The following SIPA1L3 variants were observed in gnomAD, a reference collection of about 807,000 sequenced individuals.
The protein encoded by SIPA1L3 is signal induced proliferation associated 1 like 3.
A neutral mutation model predicts 150.1 loss-of-function variants in SIPA1L3; 59 were observed. The observed-to-expected ratio is 0.39, with a 90% CI of 0.32 to 0.49. SIPA1L3 has a LOEUF of 0.49. Among genes scored for constraint, SIPA1L3 ranks in the 20% least tolerant of loss-of-function variants. The pLI, the probability that SIPA1L3 is intolerant of heterozygous loss-of-function variation, is 0.86. For missense variants in SIPA1L3, 2,211 were observed against 2,489.5 expected, an observed-to-expected ratio of 0.89 and a Z score of 2.38; for synonymous variants, 1,070 against 1,077.6, an observed-to-expected ratio of 0.99 and a Z score of 0.14.
intron 1 of SIPA1L3, among the ~76,000 whole-genome samples, chr19:37,952,838 C>G (rs2046776748): frequency 6.6e-6 from 1 of 152,188 alleles, no homozygotes; most frequent in African/African-American, 2.4e-5. Flanking sequence ...CAGCTCTGTT[C>G]CACATTGCTG....
intron 13 of SIPA1L3, among the ~76,000 whole-genome samples, chr19:38,153,840 A>G (rs941554212): frequency 6.6e-6 from 1 of 152,040 alleles, no homozygotes; most frequent in Non-Finnish European, 1.5e-5. Context: ...AGGCTGAGGC[A>G]GGAGAATTGC....
At chr19:38,184,519 A>C (rs556991622) in intron 16 of SIPA1L3, 1 of 152,550 alleles carries the variant, frequency 6.6e-6, no homozygotes, top group South Asian at 2.1e-4. Context: ...TGAGGCCCAG[A>C]GTCACAGGGC....
At chr19:38,112,097 C>A (rs705506) in intron 8 of SIPA1L3, among the ~76,000 whole-genome samples, 95,624 of 147,826 alleles carry the variant, frequency 0.65, 31,993 homozygotes, top group African/African-American at 0.84. Flanking sequence ...ATGCACACAC[C>A]TACATGCACA....
At chr19:38,055,983 C>G (rs544537271) in intron 2 of SIPA1L3, among the ~76,000 whole-genome samples, 1 of 152,340 alleles carries the variant, frequency 6.6e-6, no homozygotes, top group Admixed American at 6.5e-5. Context: ...AAACATACTG[C>G]CCTGAGACGG....
Position 38,152,887 on chromosome 19 carries a change from G to C in SIPA1L3, c.3581G>C (p.Ser1194Thr). The C allele has an allele frequency of 1.2e-6, 2 of 1,613,790 alleles. No homozygotes were observed. Among genetic ancestry groups the C allele is most frequent in the Non-Finnish European group, 1.7e-6 (2 of 1,179,886 alleles). The change falls in exon 13 of 22, where the codon AGC (serine) becomes ACC (threonine). Residue 1194 changes from serine to threonine, a missense_variant. Physicochemically the swap from Ser to Thr is moderately conservative, Grantham distance 58. Around this residue, in one of 5 missense-constraint regions of SIPA1L3, gnomAD observed 806 missense variants for 870.1 expected, o/e 0.93. Coordinates refer to ENST00000222345, the MANE Select transcript of SIPA1L3 (RefSeq NM_015073.3). ...HPLLSLDPHF[S>T]HDGTSSGDSS... Reference sequence around the variant, plus strand: ...CTGCTATCTCTTGATCCCCACTTCAGCCACGATGGGACGTCCAGCGGCGAC... The same window carrying C: ...CTGCTATCTCTTGATCCCCACTTCACCCACGATGGGACGTCCAGCGGCGAC...
chr19:38,156,728 G>C lies in SIPA1L3; in HGVS notation c.3661+3761G>C, dbSNP rs143378761. 8.5e-5 allele frequency among the ~76,000 whole-genome samples: 13 copies of C among 152,306 alleles called. No homozygotes were observed. The East Asian group carries it at 2.5e-3, about 29-fold the overall frequency. On this transcript the variant is annotated intron_variant, in intron 13 of 21. Transcript: ENST00000222345. ...TAATCCCAGCTACTCAGGAGGCTGA[G>C]GCAGGAGAATCGCTTGAACCCGGGA...
At chr19:37,956,888 GTTC>G in intron 1 of SIPA1L3, among the ~76,000 whole-genome samples, 1 of 152,256 alleles carries the variant, frequency 6.6e-6, no homozygotes, top group African/African-American at 2.4e-5. Flanking sequence ...GTATCATGAA[GTTC>G]TTCTTTCATG....
At chr19:37,923,452 A>G (rs2046474371) in intron 1 of SIPA1L3, among the ~76,000 whole-genome samples, 3 of 152,340 alleles carry the variant, frequency 2.0e-5, no homozygotes, top group Middle Eastern at 3.4e-3. Context: ...GTATTTGTGT[A>G]TCTAAACATA....
At chr19:38,199,351 G>A (rs538432750) in intron 19 of SIPA1L3, among the ~76,000 whole-genome samples, 31 of 152,248 alleles carry the variant, frequency 2.0e-4, no homozygotes, top group Admixed American at 9.8e-4. Context: ...TGTTGTTTGC[G>A]GAAGACAGAG....
chr19:38,113,219 A>G (rs1224799758), intron 8 of SIPA1L3, among the ~76,000 whole-genome samples: 1 of 84,264 alleles, frequency 1.2e-5, no homozygotes, highest in Admixed American at 1.0e-4. Context: ...TCAATTAAAG[A>G]AAAAAAAAAA....
At chr19:37,930,122 T>C (rs1354850011) in intron 1 of SIPA1L3, among the ~76,000 whole-genome samples, 2 of 151,672 alleles carry the variant, frequency 1.3e-5, no homozygotes, top group African/African-American at 4.8e-5. Flanking sequence ...ACTCCCTGGT[T>C]CAAGCGATTC....
chr19:38,128,199 C>T (rs1454219065), intron 9 of SIPA1L3, among the ~76,000 whole-genome samples: 7 of 151,868 alleles, frequency 4.6e-5, no homozygotes, highest in South Asian at 4.2e-4. Flanking sequence ...GGATTACAGG[C>T]GTATACCACC....
At chr19:37,937,021 T>A (rs2046606560) in intron 1 of SIPA1L3, among the ~76,000 whole-genome samples, 1 of 152,154 alleles carries the variant, frequency 6.6e-6, no homozygotes, top group Non-Finnish European at 1.5e-5. Context: ...ATAGAATGGT[T>A]GGCTAATTTT....
intron 10 of SIPA1L3, among the ~76,000 whole-genome samples, chr19:38,137,609 T>C (rs1168017921): frequency 1.3e-5 from 2 of 152,132 alleles, no homozygotes; most frequent in African/African-American, 4.8e-5. Flanking sequence ...CCATGCTGCC[T>C]TCAAAGTGAT....
chr19:38,129,738 G>A (rs1201127113), intron 9 of SIPA1L3, among the ~76,000 whole-genome samples: 2 of 152,098 alleles, frequency 1.3e-5, no homozygotes, highest in African/African-American at 4.8e-5. Context: ...TTTAGTTAGA[G>A]TCATTGTGTC....
intron 1 of SIPA1L3, among the ~76,000 whole-genome samples, chr19:38,007,190 C>T (rs1394261875): frequency 3.3e-5 from 5 of 152,150 alleles, no homozygotes; most frequent in Non-Finnish European, 4.4e-5. Context: ...CGGTGGCTGA[C>T]GCCTGTAATC....
In SIPA1L3 at chr19:38,119,296, C is replaced by A. The variant is rs966696987; in HGVS notation, c.2292-10C>A. ...TCTTCCCACCATCTAAATAATCTCT[C>A]CCTCCACAGTATGGCTGTGACCCGA... On this transcript the variant is annotated splice_polypyrimidine_tract_variant and intron_variant, in intron 8 of 21. Transcript: ENST00000222345. 6.2e-7 allele frequency: 1 copy of A among 1,606,968 alleles called. No individual in the cohort carries two copies. Among genetic ancestry groups the A allele is most frequent in the South Asian group, 1.1e-5 (1 of 90,338 alleles).
chr19:38,015,197 AC>A (rs1167075594), intron 1 of SIPA1L3, among the ~76,000 whole-genome samples: 1 of 152,194 alleles, frequency 6.6e-6, no homozygotes, highest in Non-Finnish European at 1.5e-5. Context: ...CCTGGCTTAT[AC>A]GTATATATGT....
At chr19:38,148,228 G>A (rs912651861) in intron 12 of SIPA1L3, among the ~76,000 whole-genome samples, 5 of 151,778 alleles carry the variant, frequency 3.3e-5, no homozygotes, top group Admixed American at 6.6e-5. Flanking sequence ...GCAGGCGCCT[G>A]TAGTCCCAGC....
Sources: gnomAD v4.1 joint callset for allele counts (sites outside exome capture counted in the v4.1 genomes callset) on GRCh38, gnomAD v4.1.1 for gene constraint, gnomAD v4.1.1 regional missense constraint, MANE v1.5 for transcripts, NCBI Gene and HGNC (gene_info 2026-07-23, HGNC 2026-07-21) for gene names.